INPP4B: variants seen among roughly 807,000 people sequenced by gnomAD.
INPP4B encodes inositol polyphosphate 4-phosphatase type II.
INPP4B carries 55 observed loss-of-function variants against 122.5 expected under a neutral mutation model. That is an observed-to-expected ratio of 0.45 (90% CI 0.36 to 0.56). The LOEUF is 0.56. Ranked by LOEUF, INPP4B falls within the 20% of genes least tolerant of loss-of-function variation. The probability of loss-of-function intolerance (pLI) is 0.00; values close to 1 mark genes in which losing one functional copy is unlikely to be tolerated. For synonymous variants in INPP4B, 403 were observed against 388.7 expected, an observed-to-expected ratio of 1.04 and a Z score of -0.43; for missense variants, 1,000 against 1,097.7, an observed-to-expected ratio of 0.91 and a Z score of 1.26.
chr4:142,398,418 ATATATATATATATATATATATATAT>A (rs1256233421), intron 7 of INPP4B, among the ~76,000 whole-genome samples: 1 of 47,394 alleles, frequency 2.1e-5, no homozygotes, highest in Non-Finnish European at 6.1e-5. Flanking sequence ...ATATATATAT[ATATATATATATATATATATATATAT>A]ATAAAACATA....
At chr4:142,294,042 G>T (rs1757524798) in intron 9 of INPP4B, among the ~76,000 whole-genome samples, 1 of 152,140 alleles carries the variant, frequency 6.6e-6, no homozygotes, top group African/African-American at 2.4e-5. Context: ...GACTCAGAAG[G>T]GTAGGAGGAA....
At chr4:142,464,014 G>T (rs1017791131) in intron 2 of INPP4B, among the ~76,000 whole-genome samples, 5 of 152,126 alleles carry the variant, frequency 3.3e-5, no homozygotes, top group Non-Finnish European at 7.4e-5. Flanking sequence ...CCCTATAAGG[G>T]AGGTACCATT....
intron 23 of INPP4B, among the ~76,000 whole-genome samples, chr4:142,100,860 T>G (rs760340234): frequency 2.0e-5 from 3 of 152,134 alleles, no homozygotes; most frequent in Non-Finnish European, 4.4e-5. Flanking sequence ...TGTTCTGTAA[T>G]GTGGAGAGGC....
At chr4:142,140,675 T>G (rs556124489) in intron 18 of INPP4B, among the ~76,000 whole-genome samples, 1 of 152,312 alleles carries the variant, frequency 6.6e-6, no homozygotes, top group African/African-American at 2.4e-5. Flanking sequence ...GGTTTAGACA[T>G]CCATCTCTTC....
intron 12 of INPP4B, among the ~76,000 whole-genome samples, chr4:142,230,288 T>C (rs1357910546): frequency 1.3e-5 from 2 of 152,140 alleles, no homozygotes; most frequent in African/African-American, 2.4e-5. Flanking sequence ...CAGAGAGTGA[T>C]GGTCACAGGA....
chr4:142,185,726 A>G (rs1044499218), intron 15 of INPP4B, among the ~76,000 whole-genome samples: 21 of 151,620 alleles, frequency 1.4e-4, no homozygotes, highest in Non-Finnish European at 2.6e-4. Flanking sequence ...AAAAATACAA[A>G]AAATTAGCCG....
intron 1 of INPP4B, among the ~76,000 whole-genome samples, chr4:142,783,158 A>G (rs1233412829): frequency 6.6e-6 from 1 of 152,198 alleles, no homozygotes; most frequent in Non-Finnish European, 1.5e-5. Flanking sequence ...GCCAAAATGG[A>G]CAAATGGGAT....
chr4:142,146,205 T>C (rs2152844477), intron 17 of INPP4B, among the ~76,000 whole-genome samples: 1 of 152,254 alleles, frequency 6.6e-6, no homozygotes, highest in African/African-American at 2.4e-5. Context: ...TTATAAACCT[T>C]TTTATTTAGT....
At chr4:142,350,637 G>A (rs575065207) in intron 7 of INPP4B, among the ~76,000 whole-genome samples, 13 of 151,922 alleles carry the variant, frequency 8.6e-5, no homozygotes, top group African/African-American at 3.1e-4. Flanking sequence ...CCCTGCTATT[G>A]GTAAGATATT....
intron 2 of INPP4B, among the ~76,000 whole-genome samples, chr4:142,579,881 A>AGAT (rs1734674568): frequency 1.0e-5 from 1 of 96,226 alleles, no homozygotes; most frequent in East Asian, 2.8e-4. Flanking sequence ...ATAGGTAGGT[A>AGAT]GATAGATAGA....
intron 2 of INPP4B, among the ~76,000 whole-genome samples, chr4:142,674,418 T>TA (rs1452247717): frequency 6.6e-6 from 1 of 152,054 alleles, no homozygotes; most frequent in Non-Finnish European, 1.5e-5. Flanking sequence ...TAACTCCTGT[T>TA]AAAAAACCAT....
chr4:142,615,912 G>T (rs572052783), intron 2 of INPP4B, among the ~76,000 whole-genome samples: 4 of 151,746 alleles, frequency 2.6e-5, no homozygotes, highest in Non-Finnish European at 5.9e-5. Flanking sequence ...ATTAATAGGA[G>T]AAAAAAAGGC....
intron 4 of INPP4B, 56 bp downstream of exon 4, chr4:142,431,113 T>A (rs1307093902): frequency 2.7e-5 from 35 of 1,320,212 alleles, no homozygotes; most frequent in Non-Finnish European, 3.5e-5. Flanking sequence ...GTAAGTTTCA[T>A]CGGCCCAATT....
chr4:142,323,652 A>G (rs192240143), intron 7 of INPP4B, among the ~76,000 whole-genome samples: 49 of 151,832 alleles, frequency 3.2e-4, no homozygotes, highest in Admixed American at 5.2e-4. Flanking sequence ...TCACCATGTT[A>G]GCCAGGATGG....
chr4:142,367,740 T>A (rs13144939), intron 7 of INPP4B, among the ~76,000 whole-genome samples: 2 of 152,012 alleles, frequency 1.3e-5, no homozygotes, highest in African/African-American at 4.8e-5. Flanking sequence ...TTGAGAATTG[T>A]GCCAGGTTCA....
At chr4:142,807,635 C>A (rs1321706472) in intron 1 of INPP4B, among the ~76,000 whole-genome samples, 3 of 152,126 alleles carry the variant, frequency 2.0e-5, no homozygotes, top group East Asian at 1.9e-4. Flanking sequence ...AAGCGTGCAA[C>A]CATCCACTGA....
At chr4:142,271,251 G>C (rs1457494369) in intron 9 of INPP4B, among the ~76,000 whole-genome samples, 10 of 152,082 alleles carry the variant, frequency 6.6e-5, no homozygotes, top group Non-Finnish European at 1.5e-5. Context: ...TTTTTCATTT[G>C]AAATTAAAAT....
At chr4:142,412,117 T>G (rs889617407) in intron 5 of INPP4B, among the ~76,000 whole-genome samples, 4 of 152,152 alleles carry the variant, frequency 2.6e-5, no homozygotes, top group Non-Finnish European at 5.9e-5. Context: ...TAGATTCCAC[T>G]AATCAACTGA....
chr4:142,714,014 C>A (rs1763437481), intron 2 of INPP4B, among the ~76,000 whole-genome samples: 1 of 152,108 alleles, frequency 6.6e-6, no homozygotes, highest in African/African-American at 2.4e-5. Context: ...TAATGGTCCA[C>A]CAATCTGAGA....
Sources: allele counts gnomAD v4.1 joint callset (sites outside exome capture counted in the v4.1 genomes callset), GRCh38; gene constraint gnomAD v4.1.1; transcripts MANE v1.5; gene names NCBI Gene and HGNC (gene_info 2026-07-23, HGNC 2026-07-21).